Variants in PCDH9 observed in about 807,000 individuals in gnomAD.
PCDH9 encodes protocadherin-9.
Under a neutral mutation model 70.6 loss-of-function variants are expected in PCDH9, and 24 were observed. The ratio of observed to expected loss-of-function variants is 0.34; its 90% CI spans 0.25 to 0.48. The LOEUF (loss-of-function observed/expected upper bound fraction) is 0.48, where lower values mean the gene tolerates loss of function less well. Among genes scored for constraint, PCDH9 ranks in the 20% least tolerant of loss-of-function variants. The pLI is 0.99. For missense variants in PCDH9, 1,281 were observed against 1,503.6 expected (o/e 0.85, Z 2.45); for synonymous variants, 562 against 558.5 (o/e 1.01, Z -0.09).
intron 2 of PCDH9, among the ~76,000 whole-genome samples, chr13:67,186,361 A>G (rs529679965): frequency 6.6e-6 from 1 of 152,304 alleles, no homozygotes; most frequent in Middle Eastern, 3.4e-3. Flanking sequence ...AAACGTATGT[A>G]GGGGACGAGG....
intron 2 of PCDH9, among the ~76,000 whole-genome samples, chr13:67,148,368 G>A (rs1280442514): frequency 2.0e-5 from 3 of 151,566 alleles, no homozygotes; most frequent in Non-Finnish European, 4.4e-5. Context: ...AATACTTATA[G>A]TCTTTGAATT....
chr13:66,455,582 G>A (rs1958303169), intron 4 of PCDH9, among the ~76,000 whole-genome samples: 1 of 151,954 alleles, frequency 6.6e-6, no homozygotes, highest in African/African-American at 2.4e-5. Flanking sequence ...AATTCCAGTT[G>A]GATAATCATT....
chr13:67,176,009 T>C (rs2088442432), intron 2 of PCDH9, among the ~76,000 whole-genome samples: 1 of 151,944 alleles, frequency 6.6e-6, no homozygotes, highest in South Asian at 2.1e-4. Context: ...TGTGTTTGAT[T>C]GAGCTAGCTG....
At chr13:66,781,409 C>A (rs1389500365) in intron 3 of PCDH9, among the ~76,000 whole-genome samples, 1 of 152,116 alleles carries the variant, frequency 6.6e-6, no homozygotes, top group Admixed American at 6.6e-5. Flanking sequence ...CGCTATGCTG[C>A]ACAGATGGAA....
intron 4 of PCDH9, among the ~76,000 whole-genome samples, chr13:66,610,385 C>T (rs571774228): frequency 6.6e-6 from 1 of 152,156 alleles, no homozygotes; most frequent in East Asian, 1.9e-4. Context: ...GCTTGTGTTC[C>T]TAGGGCCCTG....
At chr13:66,637,796 C>T (rs536226229) in intron 3 of PCDH9, among the ~76,000 whole-genome samples, 3 of 152,020 alleles carry the variant, frequency 2.0e-5, no homozygotes, top group Non-Finnish European at 4.4e-5. Context: ...CACCTGTAGT[C>T]CCAGCTACTT....
intron 2 of PCDH9, among the ~76,000 whole-genome samples, chr13:66,929,791 G>C (rs967101569): frequency 4.6e-5 from 7 of 152,168 alleles, no homozygotes; most frequent in Non-Finnish European, 8.8e-5. Flanking sequence ...AATGTTGGTA[G>C]ATACTGAGGG....
chr13:66,759,135 C>T (rs1345007893), intron 3 of PCDH9, among the ~76,000 whole-genome samples: 1 of 151,910 alleles, frequency 6.6e-6, no homozygotes, highest in African/African-American at 2.4e-5. Context: ...ATCTTTACTG[C>T]TATCAATATT....
At chr13:66,866,587 A>G (rs1174134786) in intron 3 of PCDH9, among the ~76,000 whole-genome samples, 3 of 152,104 alleles carry the variant, frequency 2.0e-5, no homozygotes, top group Admixed American at 6.6e-5. Flanking sequence ...CACTGAGATC[A>G]GGAGTTCCAG....
chr13:67,200,132 T>C (rs2089172865), intron 2 of PCDH9, among the ~76,000 whole-genome samples: 1 of 152,108 alleles, frequency 6.6e-6, no homozygotes, highest in Non-Finnish European at 1.5e-5. Context: ...TGGGACACTT[T>C]TTAAATGAAA....
chr13:66,416,780 G>T (rs1957468385), intron 4 of PCDH9, among the ~76,000 whole-genome samples: 1 of 152,046 alleles, frequency 6.6e-6, no homozygotes, highest in African/African-American at 2.4e-5. Context: ...AGTCTGCATT[G>T]GTCAGAGACT....
chr13:67,171,010 A>G (rs1371029199), intron 2 of PCDH9, among the ~76,000 whole-genome samples: 2 of 152,162 alleles, frequency 1.3e-5, no homozygotes, highest in Admixed American at 6.5e-5. Context: ...TGGTCATCCT[A>G]TCCCTGGAGC....
At chr13:67,187,700 A>T (rs2088795132) in intron 2 of PCDH9, among the ~76,000 whole-genome samples, 2 of 152,080 alleles carry the variant, frequency 1.3e-5, no homozygotes, top group Admixed American at 6.6e-5. Context: ...TATTCACAAT[A>T]TAGAGATTTA....
intron 3 of PCDH9, among the ~76,000 whole-genome samples, chr13:66,792,749 GA>G (rs1319958888): frequency 6.6e-6 from 1 of 152,028 alleles, no homozygotes; most frequent in Non-Finnish European, 1.5e-5. Context: ...GATTACCTTT[GA>G]AAAAATCTGA....
intron 4 of PCDH9, among the ~76,000 whole-genome samples, chr13:66,577,917 C>A (rs1304923334): frequency 6.6e-6 from 1 of 152,008 alleles, no homozygotes; most frequent in Non-Finnish European, 1.5e-5. Context: ...TTTATTATTT[C>A]TTAAAGTGCT....
intron 4 of PCDH9, among the ~76,000 whole-genome samples, chr13:66,405,616 C>G (rs1294381578): frequency 6.6e-6 from 1 of 152,128 alleles, no homozygotes; most frequent in East Asian, 1.9e-4. Context: ...TATTACATTG[C>G]TACAGAGGGT....
chr13:66,378,920 G>A (rs538818874), intron 4 of PCDH9, among the ~76,000 whole-genome samples: 11 of 152,290 alleles, frequency 7.2e-5, no homozygotes, highest in African/African-American at 2.4e-4. Flanking sequence ...TTAGAAAGAT[G>A]ACACAGTTCA....
At chr13:67,077,952 T>A (rs188434933) in intron 2 of PCDH9, among the ~76,000 whole-genome samples, 2 of 152,328 alleles carry the variant, frequency 1.3e-5, no homozygotes, top group Admixed American at 1.3e-4. Context: ...TTTTCCATCT[T>A]TCCATTTGAT....
intron 3 of PCDH9, among the ~76,000 whole-genome samples, chr13:66,831,320 G>A (rs1463146678): frequency 6.6e-6 from 1 of 152,148 alleles, no homozygotes; most frequent in Non-Finnish European, 1.5e-5. Context: ...CATTGACAGA[G>A]TACTGCCTGA....
Sources: allele counts gnomAD v4.1 joint callset (sites outside exome capture counted in the v4.1 genomes callset), GRCh38; gene constraint gnomAD v4.1.1; transcripts MANE v1.5; gene names NCBI Gene and HGNC (gene_info 2026-07-23, HGNC 2026-07-21).